The following DPP10 variants were observed in gnomAD, a reference collection of about 807,000 sequenced individuals.
DPP10 encodes the protein inactive dipeptidyl peptidase 10.
DPP10 carries 33 observed loss-of-function variants against 120.9 expected under a neutral mutation model. The ratio of observed to expected loss-of-function variants is 0.27; its 90% confidence interval spans 0.21 to 0.37. DPP10 has a LOEUF of 0.37. Ranked by LOEUF, DPP10 falls within the 10% of genes least tolerant of loss-of-function variation. The pLI, the probability that DPP10 is intolerant of heterozygous loss-of-function variation, is 1.00. For synonymous variants in DPP10, 337 were observed against 326.1 expected (o/e 1.03, Z -0.36); for missense variants, 816 against 942.8 (o/e 0.87, Z 1.76).
intron 3 of DPP10, among the ~76,000 whole-genome samples, chr2:115,380,632 A>G (rs2066248293): frequency 6.7e-6 from 1 of 149,602 alleles, no homozygotes; most frequent in Non-Finnish European, 1.5e-5. Context: ...TAGTTGATGC[A>G]GTTTCTTCCT....
chr2:115,476,361 G>A (rs944370689), intron 3 of DPP10, among the ~76,000 whole-genome samples: 7 of 152,044 alleles, frequency 4.6e-5, no homozygotes, highest in Non-Finnish European at 7.4e-5. Flanking sequence ...ATAATTGTAA[G>A]CTTCCTGAGG....
intron 3 of DPP10, among the ~76,000 whole-genome samples, chr2:115,410,592 A>C (rs1005038779): frequency 2.6e-5 from 4 of 152,222 alleles, no homozygotes; most frequent in African/African-American, 9.6e-5. Context: ...CTGTGTAACA[A>C]ACCTGCACAT....
intron 1 of DPP10, among the ~76,000 whole-genome samples, chr2:114,888,976 C>A (rs541465763): frequency 6.6e-6 from 1 of 152,240 alleles, no homozygotes; most frequent in African/African-American, 2.4e-5. Flanking sequence ...AAGATCTGGT[C>A]TTTAAAGAGA....
intron 2 of DPP10, among the ~76,000 whole-genome samples, chr2:115,319,674 A>G (rs2061965512): frequency 6.6e-6 from 1 of 152,176 alleles, no homozygotes; most frequent in Non-Finnish European, 1.5e-5. Context: ...TTGTGCTGCT[A>G]TAGCAAAATA....
chr2:115,350,385 T>G (rs2063946848), intron 3 of DPP10, among the ~76,000 whole-genome samples: 2 of 152,104 alleles, frequency 1.3e-5, no homozygotes, highest in Non-Finnish European at 2.9e-5. Context: ...TTTTTTCCCT[T>G]TCTGTCTATA....
intron 1 of DPP10, among the ~76,000 whole-genome samples, chr2:114,640,274 A>G (rs1695610119): frequency 6.6e-6 from 1 of 151,896 alleles, no homozygotes; most frequent in Non-Finnish European, 1.5e-5. Context: ...TGGAACGCTG[A>G]GTAGAGTCTG....
At chr2:115,426,030 G>C (rs7575073) in intron 3 of DPP10, among the ~76,000 whole-genome samples, 4,406 of 151,460 alleles carry the variant, frequency 0.029, 248 homozygotes, top group African/African-American at 0.1. Context: ...CTCTTACCAG[G>C]TGCCACCTCC....
At chr2:115,087,556 TGACAGAGTTTCACTCTTG>T (rs1708827106) in intron 1 of DPP10, among the ~76,000 whole-genome samples, 1 of 146,476 alleles carries the variant, frequency 6.8e-6, no homozygotes, top group East Asian at 2.0e-4. Context: ...TTTTTTTTTT[TGACAGAGTTTCACTCTTG>T]TTGCCCAGGC....
At chr2:115,838,116 CTG>C (rs1277549595) in intron 24 of DPP10, among the ~76,000 whole-genome samples, 1 of 152,102 alleles carries the variant, frequency 6.6e-6, no homozygotes, top group Non-Finnish European at 1.5e-5. Context: ...TCCAGGAACT[CTG>C]TACTATCTCT....
intron 1 of DPP10, among the ~76,000 whole-genome samples, chr2:114,721,057 C>T (rs1242736434): frequency 6.6e-6 from 1 of 152,220 alleles, no homozygotes; most frequent in Non-Finnish European, 1.5e-5. Context: ...TTATACGTTA[C>T]ACAGCATAAC....
At chr2:114,493,037 C>A (rs17048436) in intron 1 of DPP10, among the ~76,000 whole-genome samples, 7,456 of 152,142 alleles carry the variant, frequency 0.049, 269 homozygotes, top group African/African-American at 0.097. Flanking sequence ...GAAATTAGAA[C>A]TGAAAACAGT....
intron 1 of DPP10, among the ~76,000 whole-genome samples, chr2:115,021,102 T>C (rs1484869041): frequency 1.3e-5 from 2 of 151,798 alleles, no homozygotes; most frequent in Non-Finnish European, 2.9e-5. Flanking sequence ...AGGTCACACA[T>C]CACAGAACTA....
intron 1 of DPP10, among the ~76,000 whole-genome samples, chr2:114,639,546 G>A (rs1695552496): frequency 6.6e-6 from 1 of 151,834 alleles, no homozygotes; most frequent in Non-Finnish European, 1.5e-5. Flanking sequence ...TACTTATTGA[G>A]TACTGTGCTT....
At chr2:115,124,010 A>C (rs1195764287) in intron 1 of DPP10, among the ~76,000 whole-genome samples, 1 of 151,376 alleles carries the variant, frequency 6.6e-6, no homozygotes, top group Non-Finnish European at 1.5e-5. Context: ...GCAGTAGCCT[A>C]ATCATGGCTC....
intron 1 of DPP10, among the ~76,000 whole-genome samples, chr2:115,093,525 G>T (rs936546194): frequency 6.6e-6 from 1 of 151,912 alleles, no homozygotes; most frequent in Admixed American, 6.6e-5. Context: ...TTCTTTGGAA[G>T]GAAACCAAAT....
chr2:114,650,636 T>A (rs1696515058), intron 1 of DPP10, among the ~76,000 whole-genome samples: 1 of 151,882 alleles, frequency 6.6e-6, no homozygotes, highest in African/African-American at 2.4e-5. Flanking sequence ...AGATAAGGAG[T>A]CTAAGAAACC....
intron 19 of DPP10, among the ~76,000 whole-genome samples, chr2:115,802,392 C>T (rs1329700681): frequency 6.6e-6 from 1 of 152,078 alleles, no homozygotes; most frequent in African/African-American, 2.4e-5. Context: ...CTTCTGGATT[C>T]ATTAATTTTT....
At chr2:115,401,820 A>G (rs917098505) in intron 3 of DPP10, among the ~76,000 whole-genome samples, 2 of 152,128 alleles carry the variant, frequency 1.3e-5, no homozygotes, top group Non-Finnish European at 2.9e-5. Context: ...AGAAACATGA[A>G]AGTGTGACCA....
intron 1 of DPP10, among the ~76,000 whole-genome samples, chr2:114,859,538 G>C (rs775974949): frequency 6.6e-6 from 1 of 152,076 alleles, no homozygotes; most frequent in African/African-American, 2.4e-5. Flanking sequence ...GATTATTCAC[G>C]GGAATAATCA....
Sources: allele counts gnomAD v4.1 joint callset (sites outside exome capture counted in the v4.1 genomes callset), GRCh38; gene constraint gnomAD v4.1.1; transcripts MANE v1.5; gene names NCBI Gene and HGNC (gene_info 2026-07-23, HGNC 2026-07-21).